The following ZMIZ1 variants were observed in gnomAD, a reference collection of about 807,000 sequenced individuals.
The protein encoded by ZMIZ1 is zinc finger MIZ domain-containing protein 1.
ZMIZ1 carries 17 observed loss-of-function variants against 113.9 expected under a neutral mutation model. That is an observed-to-expected ratio of 0.15 (90% confidence interval 0.10 to 0.22). ZMIZ1 has a LOEUF of 0.22. ZMIZ1 is among the 10% of genes least tolerant of loss of function. The pLI is 1.00. For missense variants in ZMIZ1, 1,059 were observed against 1,477.8 expected (o/e 0.72, Z 4.65); for synonymous variants, 607 against 603.1 (o/e 1.01, Z -0.09).
At chr10:79,194,387 G>A (rs1333487054) in intron 4 of ZMIZ1, among the ~76,000 whole-genome samples, 2 of 152,248 alleles carry the variant, frequency 1.3e-5, no homozygotes, top group African/African-American at 2.4e-5. Context: ...ATGAACTAGT[G>A]AGGCCTCAAA....
In ZMIZ1 at chr10:79,315,892, A is replaced by G. The variant is rs1855505133; in HGVS notation, c.*3143A>G. 6.5e-6 allele frequency: 1 copy of G among 152,698 alleles called. No homozygotes were observed. Among genetic ancestry groups the G allele is most frequent in the Non-Finnish European group, 1.5e-5 (1 of 68,036 alleles). The allele number at this position is 152,698 out of a possible 1,614,324, so 9.5% of individuals were successfully genotyped here. On this transcript the variant is annotated 3_prime_UTR_variant, in exon 25 of 25. Coordinates refer to ENST00000334512, the MANE Select transcript of ZMIZ1 (RefSeq NM_020338.4). The stretch of plus-strand genomic sequence containing the variant: ...AAAGCTTGGAACTCCATCACGTGGA[A>G]AAACTAGATCCTGTTGGTTATAGCA...
chr10:79,190,064 T>C (rs1401279929), intron 4 of ZMIZ1, among the ~76,000 whole-genome samples: 1 of 152,204 alleles, frequency 6.6e-6, no homozygotes, highest in Non-Finnish European at 1.5e-5. Context: ...CTAGGGATGC[T>C]AGAAATCTCC....
Position 79,286,276 on chromosome 10 carries a change from G to T in ZMIZ1, c.426-3499G>T, listed in dbSNP as rs192263572. 5.2e-3 allele frequency among the ~76,000 whole-genome samples: 789 copies of T among 152,358 alleles called. 2 individuals are homozygous for T. Among genetic ancestry groups the T allele is most frequent in the African/African-American group, 0.017 (694 of 41,596 alleles). On this transcript the variant is annotated intron_variant, in intron 8 of 24. Coordinates refer to ENST00000334512, the MANE Select transcript of ZMIZ1 (RefSeq NM_020338.4). ...CTGGTAGCAGCCCAGGGGTCTGCTT[G>T]GTCCTTCATCCTTGGGAACAGGGAC...
intron 22 of ZMIZ1, among the ~76,000 whole-genome samples, chr10:79,306,978 T>C (rs979775577): frequency 6.6e-6 from 1 of 152,224 alleles, no homozygotes; most frequent in Non-Finnish European, 1.5e-5. Context: ...AACAGCTGGC[T>C]TCTGCGGGTG....
intron 8 of ZMIZ1, among the ~76,000 whole-genome samples, chr10:79,279,950 C>A (rs560923357): frequency 1.3e-5 from 2 of 150,726 alleles, no homozygotes; most frequent in Admixed American, 6.6e-5. Context: ...AGGGAGAGAC[C>A]GTGCAAAGGG....
intron 1 of ZMIZ1, among the ~76,000 whole-genome samples, chr10:79,108,812 A>T (rs1356431862): frequency 2.0e-5 from 3 of 152,048 alleles, no homozygotes; most frequent in Non-Finnish European, 4.4e-5. Flanking sequence ...GCACAGAGGC[A>T]GTGAGGGGCT....
chr10:79,089,324 A>T (rs1449485989), intron 1 of ZMIZ1, among the ~76,000 whole-genome samples: 2 of 152,240 alleles, frequency 1.3e-5, no homozygotes, highest in Non-Finnish European at 1.5e-5. Flanking sequence ...GCTCTTGTGC[A>T]AACACAAATT....
chr10:79,255,511 G>A lies in ZMIZ1; in HGVS notation c.281-21670G>A, dbSNP rs185231647. On this transcript the variant is annotated intron_variant, in intron 7 of 24. Transcript: ENST00000334512. ...TCTGGGCACCTCTGTGTATATCTGC[G>A]TTCCTAACCATCTCTGTCTTGAGCC... Among the ~76,000 whole-genome samples the A allele has an allele frequency of 1.2e-4, 19 of 152,286 alleles. No individual in the cohort carries two copies. In the South Asian group the frequency reaches 2.7e-3, roughly 22 times the overall value.
intron 5 of ZMIZ1, among the ~76,000 whole-genome samples, chr10:79,203,351 G>A: frequency 6.6e-6 from 1 of 152,156 alleles, no homozygotes; most frequent in Non-Finnish European, 1.5e-5. Context: ...ATTGAACCCA[G>A]CCCAAATGGC....
At chr10:79,179,667 C>T (rs1356638620) in intron 4 of ZMIZ1, among the ~76,000 whole-genome samples, 6 of 152,276 alleles carry the variant, frequency 3.9e-5, no homozygotes, top group African/African-American at 1.4e-4. Context: ...TGCTTCTTCC[C>T]TGGGAAGGAG....
At chr10:79,126,683 T>C (rs1412988335) in intron 2 of ZMIZ1, among the ~76,000 whole-genome samples, 1 of 152,216 alleles carries the variant, frequency 6.6e-6, no homozygotes, top group Non-Finnish European at 1.5e-5. Flanking sequence ...TTTAACTTGC[T>C]AAATGCCCCT....
Position 79,297,576 on chromosome 10 carries a change from T to C in ZMIZ1, c.1414-37T>C, listed in dbSNP as rs916045061. On this transcript the variant is annotated intron_variant, in intron 13 of 24. Coordinates refer to ENST00000334512, the MANE Select transcript of ZMIZ1 (RefSeq NM_020338.4). Reference sequence around the variant, plus strand: ...GAGAGCGGGCTTCTGATGGCTTTTCTGCCCCCCACTCAGTGTTGTTTATCT... The same window carrying C: ...GAGAGCGGGCTTCTGATGGCTTTTCCGCCCCCCACTCAGTGTTGTTTATCT... The C allele has an allele frequency of 1.9e-6, 3 of 1,587,940 alleles. No individual in the cohort carries two copies. In the African/African-American group the frequency reaches 4.0e-5, roughly 21 times the overall value.
intron 3 of ZMIZ1, among the ~76,000 whole-genome samples, chr10:79,151,070 G>A (rs1054069057): frequency 2.6e-5 from 4 of 152,210 alleles, no homozygotes; most frequent in Non-Finnish European, 5.9e-5. Flanking sequence ...GACCAGAGTC[G>A]TTGTGACATT....
intron 7 of ZMIZ1, among the ~76,000 whole-genome samples, chr10:79,237,559 T>C (rs78656767): frequency 0.013 from 1,922 of 152,292 alleles, 30 homozygotes; most frequent in Admixed American, 0.037. Flanking sequence ...GGTAGTTTCT[T>C]GGCTTGTGGC....
intron 1 of ZMIZ1, among the ~76,000 whole-genome samples, chr10:79,075,575 A>ATG: frequency 7.1e-6 from 1 of 141,490 alleles, no homozygotes; most frequent in Non-Finnish European, 1.5e-5. Flanking sequence ...ACATGCACAC[A>ATG]CATGCACACA....
intron 2 of ZMIZ1, among the ~76,000 whole-genome samples, chr10:79,124,591 G>A (rs1275976906): frequency 2.0e-5 from 3 of 152,190 alleles, no homozygotes; most frequent in African/African-American, 4.8e-5. Context: ...AGTTGAGCTG[G>A]GAGAGCACAG....
chr10:79,142,500 A>T (rs1010632606), intron 3 of ZMIZ1, among the ~76,000 whole-genome samples: 1 of 152,176 alleles, frequency 6.6e-6, no homozygotes, highest in Non-Finnish European at 1.5e-5. Flanking sequence ...GTGGACAAGC[A>T]AGACTCTGCT....
At chr10:79,247,084 C>G (rs1850249685) in intron 7 of ZMIZ1, among the ~76,000 whole-genome samples, 1 of 152,236 alleles carries the variant, frequency 6.6e-6, no homozygotes, top group Non-Finnish European at 1.5e-5. Flanking sequence ...CAGCAGCAGG[C>G]CTTGCTGCCG....
intron 1 of ZMIZ1, among the ~76,000 whole-genome samples, chr10:79,073,626 C>T (rs1048110809): frequency 6.6e-6 from 1 of 152,156 alleles, no homozygotes; most frequent in African/African-American, 2.4e-5. Context: ...AAGACCAGTG[C>T]CTAGGCAGGC....
Sources: allele counts gnomAD v4.1 joint callset (sites outside exome capture counted in the v4.1 genomes callset), GRCh38; gene constraint gnomAD v4.1.1; transcripts MANE v1.5; gene names NCBI Gene and HGNC (gene_info 2026-07-23, HGNC 2026-07-21).